The following COL19A1 variants were observed in gnomAD, a reference collection of about 807,000 sequenced individuals.
The protein encoded by COL19A1 is collagen type XIX alpha 1 chain.
A neutral mutation model predicts 190.2 loss-of-function variants in COL19A1; 159 were observed. The ratio of observed to expected loss-of-function variants is 0.84; its 90% confidence interval spans 0.73 to 0.95. The LOEUF (loss-of-function observed/expected upper bound fraction) is 0.95. Among genes scored for constraint, COL19A1 ranks in the 40% least tolerant of loss-of-function variants. The pLI is 0.00. For synonymous variants in COL19A1, 509 were observed against 458.9 expected (o/e 1.11, Z -1.39); for missense variants, 1,418 against 1,431.9 (o/e 0.99, Z 0.16).
intron 12 of COL19A1, among the ~76,000 whole-genome samples, chr6:70,024,560 C>T (rs1045571835): frequency 4.0e-5 from 6 of 150,516 alleles, no homozygotes; most frequent in Non-Finnish European, 7.4e-5. Flanking sequence ...GAAGACCAAT[C>T]TTTCCGGCCT....
At chr6:69,880,634 TTTATGATTTTTTATTATTTG>T (rs1467039224) in intron 2 of COL19A1, among the ~76,000 whole-genome samples, 1 of 152,222 alleles carries the variant, frequency 6.6e-6, no homozygotes, top group East Asian at 1.9e-4. Context: ...TATGTAAGTC[TTTATGATTTTTTATTATTTG>T]GCAGAAGGTG....
chr6:70,197,959 C>A lies in COL19A1; in HGVS notation c.3095-1649C>A, dbSNP rs548354207. On this transcript the variant is annotated intron_variant, in intron 48 of 50. Transcript: ENST00000620364. The stretch of plus-strand genomic sequence containing the variant: ...AAAACAATTGTTTTTCTTTCTTAAC[C>A]AGTATGGGCCTACATTGTTTTTAAA... Among the ~76,000 whole-genome samples the A allele has an allele frequency of 2.0e-5, 3 of 152,294 alleles. No homozygotes were observed. The South Asian group carries it at 6.2e-4, about 32-fold the overall frequency.
chr6:70,120,619 G>A (rs1224962111), intron 16 of COL19A1, among the ~76,000 whole-genome samples: 1 of 152,128 alleles, frequency 6.6e-6, no homozygotes, highest in African/African-American at 2.4e-5. Context: ...CAATAGCTCC[G>A]TTATTGTTTC....
Position 70,146,888 on chromosome 6 carries a change from C to A in COL19A1, c.1892C>A (p.Thr631Lys). 6.4e-7 allele frequency: 1 copy of A among 1,571,058 alleles called. No homozygotes were observed. Among genetic ancestry groups the A allele is most frequent in the Non-Finnish European group, 8.6e-7 (1 of 1,164,522 alleles). ...CAAGGGATAGGAATTCCTGGCAGAA[C>A]AGTAAGTGAAATTCATTCGAGTCCT... ...GPQGIGIPGR[T>K]GAQGPAGEPG... Residue 631 changes from threonine to lysine, a missense_variant and splice_region_variant, in exon 27 of 51, where the codon ACA becomes AAA. Physicochemically the swap from Thr to Lys is moderately conservative, Grantham distance 78. Coordinates refer to ENST00000620364, the MANE Select transcript of COL19A1 (RefSeq NM_001858.6).
At position 70,156,302 on chromosome 6, in the gene COL19A1, C is replaced by T. The variant is rs1023168968; in HGVS notation, c.2185-14C>T. 1.9e-6 allele frequency: 3 copies of T among 1,613,134 alleles called. No homozygotes were observed. The highest frequency in any genetic ancestry group is 1.3e-5 in the African/African-American group (1 of 74,810). The stretch of plus-strand genomic sequence containing the variant: ...AGTGCATCCTCTCAGTTCTGTTCTT[C>T]CTCTGTCTTCTAGGGTGATATAGGG... On this transcript the variant is annotated splice_polypyrimidine_tract_variant and intron_variant, in intron 32 of 50. Transcript: ENST00000620364.
At chr6:70,048,149 G>C (rs796135167) in intron 14 of COL19A1, among the ~76,000 whole-genome samples, 2 of 151,996 alleles carry the variant, frequency 1.3e-5, no homozygotes, top group African/African-American at 2.4e-5. Flanking sequence ...GAGAAATTAC[G>C]CACAGAGAGG....
chr6:69,925,511 A>G (rs996179701), intron 4 of COL19A1, among the ~76,000 whole-genome samples: 3 of 152,118 alleles, frequency 2.0e-5, no homozygotes, highest in Non-Finnish European at 4.4e-5. Flanking sequence ...GTTTGAAGTC[A>G]GGTAGTGTGA....
Position 69,966,311 on chromosome 6 carries a change from C to T in COL19A1, c.1026+3441C>T, listed in dbSNP as rs866289513. ...TGAGAACGGGCCATGATGACGATGGCGGTTTTGTGAAATAGAAAAGGGGGA... is the reference window on the plus strand; with the variant it reads ...TGAGAACGGGCCATGATGACGATGGTGGTTTTGTGAAATAGAAAAGGGGGA... On this transcript the variant is annotated intron_variant, in intron 11 of 50. Coordinates refer to ENST00000620364, the MANE Select transcript of COL19A1 (RefSeq NM_001858.6). 2.6e-5 allele frequency among the ~76,000 whole-genome samples: 4 copies of T among 151,860 alleles called. No individual in the cohort carries two copies. The South Asian group carries it at 6.2e-4, about 24-fold the overall frequency.
chr6:69,939,499 C>T (rs1773316054), intron 9 of COL19A1, among the ~76,000 whole-genome samples: 1 of 152,068 alleles, frequency 6.6e-6, no homozygotes, highest in Non-Finnish European at 1.5e-5. Context: ...AAACTGGGAT[C>T]TGAAACCAGT....
At position 70,023,669 on chromosome 6, in the gene COL19A1, A is replaced by G. The variant is rs1488482631; in HGVS notation, c.1069A>G (p.Asn357Asp). Residue 357 changes from asparagine (N) to aspartate (D), a missense_variant, in exon 12 of 51, where the codon AAT becomes GAT. Transcript: ENST00000620364. ...EKGDPALAGLNGENGLKGDLG... is the reference protein window; with the variant it reads ...EKGDPALAGLDGENGLKGDLG... ...AGGAGATCCAGCTCTGGCTGGCCTT[A>G]ATGGAGAAAATGTAAGCCTAACTCT... 3 of 1,609,972 alleles carry G rather than the reference A, an allele frequency of 1.9e-6. No individual in the cohort carries two copies. The African/African-American group carries it at 4.0e-5, about 22-fold the overall frequency.
intron 41 of COL19A1, among the ~76,000 whole-genome samples, chr6:70,173,974 G>A (rs937847654): frequency 2.0e-5 from 3 of 152,188 alleles, no homozygotes; most frequent in Non-Finnish European, 4.4e-5. Context: ...TAGTGCATAT[G>A]TGGAGGGTTT....
At chr6:70,183,865 C>G (rs1210122389) in intron 44 of COL19A1, among the ~76,000 whole-genome samples, 1 of 152,150 alleles carries the variant, frequency 6.6e-6, no homozygotes, top group African/African-American at 2.4e-5. Context: ...AATCATATTC[C>G]TCACCTTGAT....
chr6:70,039,585 C>T (rs758209643), intron 14 of COL19A1, among the ~76,000 whole-genome samples: 1 of 152,174 alleles, frequency 6.6e-6, no homozygotes, highest in Non-Finnish European at 1.5e-5. Flanking sequence ...CCCAGAATAA[C>T]TAAGGGCGAA....
chr6:70,070,072 A>G (rs1469177125), intron 15 of COL19A1, among the ~76,000 whole-genome samples: 2 of 152,152 alleles, frequency 1.3e-5, no homozygotes, highest in Non-Finnish European at 2.9e-5. Flanking sequence ...CAAATCATGT[A>G]CAAATGTATT....
At chr6:70,131,135 T>TG (rs1785494530) in intron 18 of COL19A1, 1 of 388,734 alleles carries the variant, frequency 2.6e-6, no homozygotes, top group East Asian at 8.7e-5. Flanking sequence ...TCTGAAATTG[T>TG]AATGACCTTG....
At position 69,978,162 on chromosome 6, in the gene COL19A1, G is replaced by C. The variant is rs904387101; in HGVS notation, c.1026+15292G>C. Reference sequence around the variant, plus strand: ...AGAAATTTCAGGTATAATTTGAGCTGGCACCTGAAACTTTTGCTATATCTC... The same window carrying C: ...AGAAATTTCAGGTATAATTTGAGCTCGCACCTGAAACTTTTGCTATATCTC... On this transcript the variant is annotated intron_variant, in intron 11 of 50. Coordinates refer to ENST00000620364, the MANE Select transcript of COL19A1 (RefSeq NM_001858.6). 9.2e-5 allele frequency among the ~76,000 whole-genome samples: 14 copies of C among 152,114 alleles called. No individual in the cohort carries two copies. The East Asian group carries it at 2.5e-3, about 27-fold the overall frequency.
Position 69,929,601 on chromosome 6 carries a change from T to C in COL19A1, c.567T>C (p.Cys189=). Residue 189 remains cysteine, a synonymous_variant, in exon 6 of 51, where the codon TGT becomes TGC. Transcript: ENST00000620364. ...AGGTCATTTCACTTTATATGGATTG[T>C]AATTTAATTGCGAGGAGGCAGACTG... ...QSQVISLYMD[C]NLIARRQTDE... 1 of 1,614,040 alleles carries C rather than the reference T, an allele frequency of 6.2e-7. No homozygotes were observed. Among genetic ancestry groups the C allele is most frequent in the Non-Finnish European group, 8.5e-7 (1 of 1,179,990 alleles).
intron 14 of COL19A1, among the ~76,000 whole-genome samples, chr6:70,062,798 A>G (rs992552887): frequency 6.6e-6 from 1 of 152,142 alleles, no homozygotes; most frequent in African/African-American, 2.4e-5. Flanking sequence ...CTACCAAGCA[A>G]ATGGAAAACA....
intron 15 of COL19A1, among the ~76,000 whole-genome samples, chr6:70,075,393 A>T (rs1430820792): frequency 6.6e-6 from 1 of 152,236 alleles, no homozygotes; most frequent in African/African-American, 2.4e-5. Context: ...ATTGGATCAA[A>T]TATAGTTACT....
Sources: gnomAD v4.1 joint callset for allele counts (sites outside exome capture counted in the v4.1 genomes callset) on GRCh38, gnomAD v4.1.1 for gene constraint, MANE v1.5 for transcripts, NCBI Gene and HGNC (gene_info 2026-07-23, HGNC 2026-07-21) for gene names.